Variants in CCSER1 observed in about 807,000 individuals in gnomAD.
The protein encoded by CCSER1 is coiled-coil serine rich protein 1.
Under a neutral mutation model 82.0 loss-of-function variants are expected in CCSER1, and 41 were observed. The observed-to-expected ratio is 0.50, with a 90% CI of 0.39 to 0.65. CCSER1 has a LOEUF of 0.65. Among genes scored for constraint, CCSER1 ranks in the 30% least tolerant of loss-of-function variants. CCSER1 has a pLI of 0.00. For missense variants in CCSER1, 1,119 were observed against 1,064.2 expected (o/e 1.05, Z -0.72); for synonymous variants, 414 against 383.9 (o/e 1.08, Z -0.92).
intron 10 of CCSER1, among the ~76,000 whole-genome samples, chr4:91,136,799 A>AT (rs1728509063): frequency 6.6e-6 from 1 of 151,934 alleles, no homozygotes; most frequent in African/African-American, 2.4e-5. Flanking sequence ...CATGGTTCTT[A>AT]TTTTTTTGTA....
intron 5 of CCSER1, among the ~76,000 whole-genome samples, chr4:90,560,444 T>C (rs1778634333): frequency 6.6e-6 from 1 of 152,224 alleles, no homozygotes; most frequent in East Asian, 1.9e-4. Flanking sequence ...GGCTCCAAAA[T>C]GCCCAGTCCA....
rs543806765 is a variant in CCSER1, at chr4:91,253,442, C to T, written c.2217+167448C>T. Among the ~76,000 whole-genome samples, 17 of 152,116 alleles carry T rather than the reference C, an allele frequency of 1.1e-4. No individual in the cohort carries two copies. The South Asian group carries it at 3.5e-3, about 32-fold the overall frequency. ...ATTTTCAACTGTGTGGGGTTCAGCACCCCTATACCCTGCACTGTTCGTGGG... is the reference window on the plus strand; with the variant it reads ...ATTTTCAACTGTGTGGGGTTCAGCATCCCTATACCCTGCACTGTTCGTGGG... On this transcript the variant is annotated intron_variant, in intron 10 of 10. Coordinates refer to ENST00000509176, the MANE Select transcript of CCSER1 (RefSeq NM_001145065.2).
intron 8 of CCSER1, among the ~76,000 whole-genome samples, chr4:90,829,337 T>C (rs965893787): frequency 6.6e-6 from 1 of 152,168 alleles, no homozygotes; most frequent in African/African-American, 2.4e-5. Flanking sequence ...GAATGGTTTA[T>C]AATGTGAACA....
chr4:90,836,667 G>A (rs1761843892), intron 8 of CCSER1, among the ~76,000 whole-genome samples: 1 of 152,142 alleles, frequency 6.6e-6, no homozygotes, highest in African/African-American at 2.4e-5. Context: ...AGAGTGTGTG[G>A]GCCACAGAAG....
intron 6 of CCSER1, among the ~76,000 whole-genome samples, chr4:90,715,457 A>G (rs903639588): frequency 6.6e-6 from 1 of 152,054 alleles, no homozygotes; most frequent in Admixed American, 6.6e-5. Flanking sequence ...GTTAGTGACT[A>G]AACACTAAAG....
At chr4:91,376,152 A>C (rs1272646205) in intron 10 of CCSER1, among the ~76,000 whole-genome samples, 2 of 152,198 alleles carry the variant, frequency 1.3e-5, no homozygotes, top group Non-Finnish European at 2.9e-5. Context: ...TATAAGATAA[A>C]CATTATGACA....
chr4:90,498,397 AC>A (rs1434359733), intron 5 of CCSER1, among the ~76,000 whole-genome samples: 2 of 152,314 alleles, frequency 1.3e-5, no homozygotes, highest in East Asian at 3.9e-4. Flanking sequence ...AGAAAGCAAA[AC>A]AAAAGATAAG....
At chr4:90,303,890 G>T (rs961391311) in intron 1 of CCSER1, among the ~76,000 whole-genome samples, 4 of 151,230 alleles carry the variant, frequency 2.6e-5, no homozygotes, top group Non-Finnish European at 5.9e-5. Context: ...GAAAATTTTC[G>T]CAACCTACTC....
intron 10 of CCSER1, among the ~76,000 whole-genome samples, chr4:91,477,877 A>G (rs1028185018): frequency 1.3e-5 from 2 of 151,778 alleles, no homozygotes; most frequent in Admixed American, 6.6e-5. Context: ...GATATCTTTG[A>G]GCTAGAGGGC....
intron 10 of CCSER1, among the ~76,000 whole-genome samples, chr4:91,590,184 A>C (rs1229926573): frequency 1.3e-5 from 2 of 152,184 alleles, no homozygotes; most frequent in Middle Eastern, 3.4e-3. Flanking sequence ...AATGCCCACC[A>C]GTAGAATTTA....
At chr4:90,234,418 C>T (rs543098086) in intron 1 of CCSER1, among the ~76,000 whole-genome samples, 2 of 152,172 alleles carry the variant, frequency 1.3e-5, no homozygotes, top group East Asian at 1.9e-4. Flanking sequence ...GGTTTCACTA[C>T]GTTGGCCAGG....
chr4:91,093,668 G>T (rs980515149), intron 10 of CCSER1, among the ~76,000 whole-genome samples: 4 of 152,224 alleles, frequency 2.6e-5, no homozygotes, highest in Admixed American at 2.6e-4. Context: ...GGGCCCCACA[G>T]TTTGGGTTAA....
rs1032594963 is a variant in CCSER1, at chr4:90,759,425, T to C, written c.2010+35434T>C. 2.6e-5 allele frequency among the ~76,000 whole-genome samples: 4 copies of C among 152,260 alleles called. No homozygotes were observed. In the East Asian group the frequency reaches 5.8e-4, roughly 22 times the overall value. ...ACTTAATTTTATAAATAAAACGGGATTAAGAAGGAGATGAAATAGTCTCAG... is the reference window on the plus strand; with the variant it reads ...ACTTAATTTTATAAATAAAACGGGACTAAGAAGGAGATGAAATAGTCTCAG... On this transcript the variant is annotated intron_variant, in intron 7 of 10. Transcript: ENST00000509176.
At chr4:90,895,213 A>G (rs1723531673) in intron 8 of CCSER1, among the ~76,000 whole-genome samples, 1 of 151,882 alleles carries the variant, frequency 6.6e-6, no homozygotes, top group African/African-American at 2.4e-5. Flanking sequence ...CAAAAACCAT[A>G]TGGCACATAA....
intron 9 of CCSER1, among the ~76,000 whole-genome samples, chr4:91,047,213 A>T (rs927756163): frequency 6.6e-6 from 1 of 151,984 alleles, no homozygotes; most frequent in African/African-American, 2.4e-5. Context: ...TAATTCTCAC[A>T]GTTTGATATC....
At chr4:90,619,358 G>A (rs144449419) in intron 5 of CCSER1, among the ~76,000 whole-genome samples, 1 of 152,082 alleles carries the variant, frequency 6.6e-6, no homozygotes, top group Non-Finnish European at 1.5e-5. Context: ...TTTGGAAAAT[G>A]TATAAAATAA....
At chr4:91,443,834 A>G (rs1299618109) in intron 10 of CCSER1, among the ~76,000 whole-genome samples, 1 of 151,022 alleles carries the variant, frequency 6.6e-6, no homozygotes, top group African/African-American at 2.4e-5. Flanking sequence ...ATCCAATTAT[A>G]TAGATATTTA....
chr4:91,052,346 A>G (rs865806761), intron 9 of CCSER1, among the ~76,000 whole-genome samples: 1 of 152,234 alleles, frequency 6.6e-6, no homozygotes, highest in African/African-American at 2.4e-5. Context: ...GATAAAATTG[A>G]AAAACTTATT....
rs533416471 is a variant in CCSER1, at chr4:91,445,267, CTATTTT to C, written c.2218-153300_2218-153295del. 5.3e-5 allele frequency among the ~76,000 whole-genome samples: 8 copies of C among 151,682 alleles called. No individual in the cohort carries two copies. In the South Asian group the frequency reaches 1.7e-3, roughly 32 times the overall value. On this transcript the variant is annotated intron_variant, in intron 10 of 10. Coordinates refer to ENST00000509176, the MANE Select transcript of CCSER1 (RefSeq NM_001145065.2). ...ACTTGAAAATTTTAAGATATTTCAT[CTATTTT>C]TATTATTTTATTATATGGTGGTATT...
Sources: gnomAD v4.1 joint callset for allele counts (sites outside exome capture counted in the v4.1 genomes callset) on GRCh38, gnomAD v4.1.1 for gene constraint, MANE v1.5 for transcripts, NCBI Gene and HGNC (gene_info 2026-07-23, HGNC 2026-07-21) for gene names.